The following LRPPRC variants were observed in gnomAD, a reference collection of about 807,000 sequenced individuals.
LRPPRC encodes leucine-rich PPR motif-containing protein, mitochondrial.
Under a neutral mutation model 180.3 loss-of-function variants are expected in LRPPRC, and 120 were observed. The observed-to-expected ratio is 0.67, with a 90% confidence interval of 0.57 to 0.77. The LOEUF (loss-of-function observed/expected upper bound fraction) is 0.77. Ranked by LOEUF, LRPPRC falls within the 30% of genes least tolerant of loss-of-function variation. The pLI, the probability that LRPPRC is intolerant of heterozygous loss-of-function variation, is 0.00. For synonymous variants in LRPPRC, 723 were observed against 600.0 expected, an observed-to-expected ratio of 1.21 and a Z score of -3.00; for missense variants, 2,012 against 1,657.2, an observed-to-expected ratio of 1.21 and a Z score of -3.72.
chr2:43,978,524 CAT>C (rs1231315156), intron 3 of LRPPRC, among the ~76,000 whole-genome samples: 3 of 152,074 alleles, frequency 2.0e-5, no homozygotes, highest in Non-Finnish European at 4.4e-5. Flanking sequence ...ACCTTTTCTG[CAT>C]ATATTTCTCC....
chr2:43,896,323 G>A (rs1304139272), intron 35 of LRPPRC: 4 of 189,668 alleles, frequency 2.1e-5, no homozygotes, highest in Admixed American at 1.4e-4. Flanking sequence ...CACCCGCCTC[G>A]GCCTCCCAAA....
At chr2:43,907,019 A>G (rs1671087882) in intron 30 of LRPPRC, among the ~76,000 whole-genome samples, 1 of 152,236 alleles carries the variant, frequency 6.6e-6, no homozygotes, top group Non-Finnish European at 1.5e-5. Flanking sequence ...ATGATTAAAT[A>G]AAAATGAGAC....
At chr2:43,996,085 T>G (rs1675060548), upstream of LRPPRC, 3 of 766,284 alleles carry the variant, frequency 3.9e-6, no homozygotes, top group Non-Finnish European at 6.2e-6. Context: ...TGTTTTAGGT[T>G]GGAAGATGGA....
At chr2:43,991,881 A>G (rs1674797616) in intron 1 of LRPPRC, among the ~76,000 whole-genome samples, 1 of 152,214 alleles carries the variant, frequency 6.6e-6, no homozygotes, top group South Asian at 2.1e-4. Context: ...ACTGCACTGC[A>G]TGGGTGGGTT....
At chr2:43,919,351 C>A (rs1671613894) in intron 27 of LRPPRC, among the ~76,000 whole-genome samples, 1 of 152,130 alleles carries the variant, frequency 6.6e-6, no homozygotes, top group Non-Finnish European at 1.5e-5. Context: ...GTGGTGTGTA[C>A]TAAAATGATT....
At chr2:43,985,970 A>G (rs1674510075) in intron 1 of LRPPRC, among the ~76,000 whole-genome samples, 2 of 152,142 alleles carry the variant, frequency 1.3e-5, no homozygotes, top group South Asian at 4.1e-4. Flanking sequence ...GCTTGCCAGT[A>G]TTTGGGGTTT....
At chr2:43,916,656 T>C (rs1251857637) in intron 29 of LRPPRC, among the ~76,000 whole-genome samples, 1 of 152,042 alleles carries the variant, frequency 6.6e-6, no homozygotes, top group Non-Finnish European at 1.5e-5. Context: ...TACAGCAAAG[T>C]ATGAAGAATA....
rs1405383133 is a variant in LRPPRC at position 43,918,346 on chromosome 2, T to C, written c.2949A>G (p.Glu983=). 5.6e-6 allele frequency: 9 copies of C among 1,610,380 alleles called. No individual in the cohort carries two copies. Among genetic ancestry groups the C allele is most frequent in the African/African-American group, 1.3e-5 (1 of 74,886 alleles). The change falls in exon 28 of 38, where the codon GAA becomes GAG. Residue 983 remains glutamate, a synonymous_variant. Transcript: ENST00000260665. ...TCTTTTCACGAGGAATAACATTTTC[T>C]TCTTGGATTTTATTCCAGACTGCAT... ...RADAVWNKIQ[E]ENVIPREKTL...
chr2:43,984,744 T>C (rs1210579668), intron 1 of LRPPRC, among the ~76,000 whole-genome samples: 5 of 151,978 alleles, frequency 3.3e-5, no homozygotes, highest in African/African-American at 1.2e-4. Flanking sequence ...CACAAGAAGA[T>C]CACACCCACC....
chr2:43,957,174 T>G (rs1441055625), intron 14 of LRPPRC, among the ~76,000 whole-genome samples: 1 of 152,262 alleles, frequency 6.6e-6, no homozygotes, highest in African/African-American at 2.4e-5. Flanking sequence ...TTACCAAACC[T>G]GTGTGCATTT....
chr2:43,990,114 G>A (rs1256463811), intron 1 of LRPPRC, among the ~76,000 whole-genome samples: 1 of 152,162 alleles, frequency 6.6e-6, no homozygotes. Flanking sequence ...AGCTACTTGG[G>A]AGGCTGAGGT....
At chr2:43,943,636 G>C (rs769300725) in intron 23 of LRPPRC, 51 bp downstream of exon 23, 2 of 1,440,322 alleles carry the variant, frequency 1.4e-6, no homozygotes, top group African/African-American at 1.4e-5. Flanking sequence ...AAAATTATTA[G>C]ACTCATTCTT....
At chr2:43,948,861 C>G (rs1672793842) in intron 16 of LRPPRC, among the ~76,000 whole-genome samples, 1 of 151,890 alleles carries the variant, frequency 6.6e-6, no homozygotes, top group Non-Finnish European at 1.5e-5. Flanking sequence ...AAATAAATGT[C>G]TTGTACACAT....
At chr2:43,912,593 C>G in intron 29 of LRPPRC, 35 bp from the exon 30 acceptor site, 1 of 1,588,430 alleles carries the variant, frequency 6.3e-7, no homozygotes, top group Non-Finnish European at 8.6e-7. Context: ...AATGAGATGA[C>G]ATTATTCTGA....
intron 9 of LRPPRC, 44 bp downstream of exon 9, chr2:43,974,106 C>T (rs1476262927): frequency 1.3e-6 from 2 of 1,551,880 alleles, no homozygotes; most frequent in East Asian, 4.5e-5. Context: ...AATCTTATTT[C>T]ACTGCCAATT....
chr2:43,954,654 T>A (rs74462792), intron 14 of LRPPRC, among the ~76,000 whole-genome samples: 2,764 of 152,276 alleles, frequency 0.018, 94 homozygotes, highest in African/African-American at 0.063. Flanking sequence ...GTATATATAA[T>A]ATATATGTAC....
At chr2:43,937,828 G>C (rs370452709) in intron 23 of LRPPRC, among the ~76,000 whole-genome samples, 60 of 152,256 alleles carry the variant, frequency 3.9e-4, no homozygotes, top group African/African-American at 1.2e-3. Context: ...ATCAGTAAGG[G>C]AAGCACAATA....
chr2:43,955,139 C>T (rs996220153), intron 14 of LRPPRC, among the ~76,000 whole-genome samples: 1 of 151,972 alleles, frequency 6.6e-6, no homozygotes, highest in Non-Finnish European at 1.5e-5. Context: ...TGAGCCATAG[C>T]TTCCAACAAA....
intron 10 of LRPPRC, 37 bp downstream of exon 10, chr2:43,973,758 A>G: frequency 3.7e-6 from 6 of 1,603,030 alleles, no homozygotes; most frequent in Non-Finnish European, 5.1e-6. Context: ...CCTCAGCAAA[A>G]CTTCCTTACT....
Sources: gnomAD v4.1 joint callset for allele counts (sites outside exome capture counted in the v4.1 genomes callset) on GRCh38, gnomAD v4.1.1 for gene constraint, MANE v1.5 for transcripts, NCBI Gene and HGNC (gene_info 2026-07-23, HGNC 2026-07-21) for gene names.